The following TMTC1 variants were observed in gnomAD, a reference collection of about 807,000 sequenced individuals.
TMTC1 encodes transmembrane O-mannosyltransferase targeting cadherins 1.
A neutral mutation model predicts 104.8 loss-of-function variants in TMTC1; 73 were observed. That is an observed-to-expected ratio of 0.70 (90% CI 0.58 to 0.85). The LOEUF (loss-of-function observed/expected upper bound fraction) is 0.85, where lower values mean the gene tolerates loss of function less well. TMTC1 is among the 40% of genes least tolerant of loss of function. The pLI is 0.00. For synonymous variants in TMTC1, 434 were observed against 428.7 expected (o/e 1.01, Z -0.15); for missense variants, 1,035 against 1,096.1 (o/e 0.94, Z 0.79).
rs761819652 is a variant in TMTC1 at position 29,516,429 on chromosome 12, T to C, written c.2227A>G (p.Ile743Val). ...AGGCATCCGGTCTCCTCTGACACAA[T>C]GTGATTGGTCATCTTTTCAGCTTCT... ...TKEAEKMTNH[I>V]VSEETGCLEC... Residue 743 changes from isoleucine to valine, a missense_variant, in exon 15 of 18, where the codon ATT (isoleucine) becomes GTT (valine). Ile to Val is a conservative substitution (Grantham distance 29). Coordinates refer to ENST00000539277, the MANE Select transcript of TMTC1 (RefSeq NM_001193451.2). 2.5e-6 allele frequency: 4 copies of C among 1,613,946 alleles called. No individual in the cohort carries two copies. The highest frequency in any genetic ancestry group is 2.2e-5 in the East Asian group (1 of 44,878).
chr12:29,561,247 G>T (rs1249321526), intron 9 of TMTC1, among the ~76,000 whole-genome samples: 1 of 151,308 alleles, frequency 6.6e-6, no homozygotes, highest in East Asian at 1.9e-4. Context: ...GAAGGCAGCC[G>T]GCTCCTGTAA....
At chr12:29,633,927 A>G (rs1225927865) in intron 5 of TMTC1, among the ~76,000 whole-genome samples, 2 of 152,274 alleles carry the variant, frequency 1.3e-5, no homozygotes, top group Non-Finnish European at 2.9e-5. Context: ...AAGGCATTCT[A>G]GTTGTTCCCC....
At chr12:29,719,347 G>T (rs914261679) in intron 5 of TMTC1, among the ~76,000 whole-genome samples, 1 of 152,116 alleles carries the variant, frequency 6.6e-6, no homozygotes, top group African/African-American at 2.4e-5. Flanking sequence ...GGATGCCTGG[G>T]TTGCATTATA....
At chr12:29,563,660 C>T (rs754514444) in intron 9 of TMTC1, among the ~76,000 whole-genome samples, 1 of 152,162 alleles carries the variant, frequency 6.6e-6, no homozygotes, top group Admixed American at 6.5e-5. Flanking sequence ...ACTGTTTGTC[C>T]TTATGGAGTT....
chr12:29,748,641 G>T (rs1943014887), intron 5 of TMTC1, among the ~76,000 whole-genome samples: 1 of 152,210 alleles, frequency 6.6e-6, no homozygotes, highest in African/African-American at 2.4e-5. Context: ...TGATACCACA[G>T]TGGTTGGATA....
chr12:29,585,204 T>C (rs1322257180), intron 7 of TMTC1, among the ~76,000 whole-genome samples: 12 of 152,156 alleles, frequency 7.9e-5, no homozygotes, highest in African/African-American at 2.9e-4. Flanking sequence ...TGATGAGCAT[T>C]TTTTCATGTG....
chr12:29,731,318 G>C, intron 5 of TMTC1, among the ~76,000 whole-genome samples: 1 of 152,068 alleles, frequency 6.6e-6, no homozygotes, highest in East Asian at 1.9e-4. Context: ...CACCATGCCC[G>C]GCTAATTTCT....
intron 15 of TMTC1, among the ~76,000 whole-genome samples, chr12:29,515,430 G>A (rs991386384): frequency 1.3e-5 from 2 of 152,274 alleles, no homozygotes; most frequent in South Asian, 2.1e-4. Flanking sequence ...GCGTTCCTAC[G>A]GTGCTCCTGC....
intron 5 of TMTC1, among the ~76,000 whole-genome samples, chr12:29,686,746 A>G (rs918747725): frequency 6.6e-6 from 1 of 152,200 alleles, no homozygotes; most frequent in Non-Finnish European, 1.5e-5. Flanking sequence ...AACATTCTCT[A>G]TTACACCCAA....
At chr12:29,664,736 C>T (rs1362105522) in intron 5 of TMTC1, among the ~76,000 whole-genome samples, 1 of 152,202 alleles carries the variant, frequency 6.6e-6, no homozygotes, top group Non-Finnish European at 1.5e-5. Context: ...TAATACTTAA[C>T]TATGACATCA....
intron 5 of TMTC1, among the ~76,000 whole-genome samples, chr12:29,640,306 C>G (rs1938775064): frequency 6.6e-6 from 1 of 151,684 alleles, no homozygotes; most frequent in Admixed American, 6.6e-5. Context: ...AGACAGGAGG[C>G]AGGAACAGAT....
At chr12:29,728,422 T>C (rs900466875) in intron 5 of TMTC1, among the ~76,000 whole-genome samples, 1 of 152,066 alleles carries the variant, frequency 6.6e-6, no homozygotes, top group Non-Finnish European at 1.5e-5. Flanking sequence ...ACTGCCCACA[T>C]GTGGGAAGCC....
intron 5 of TMTC1, among the ~76,000 whole-genome samples, chr12:29,637,901 C>G (rs1277119784): frequency 2.6e-5 from 4 of 152,140 alleles, no homozygotes; most frequent in African/African-American, 9.7e-5. Context: ...TTTACTTTTG[C>G]CTACAAAATC....
At position 29,571,978 on chromosome 12, in the gene TMTC1, C is replaced by A. The variant is rs896841954; in HGVS notation, c.1532+127G>T. The A allele has an allele frequency of 3.2e-5, 22 of 683,990 alleles. No individual in the cohort carries two copies. The Admixed American group carries it at 4.0e-4, about 12-fold the overall frequency. The allele number at this position is 683,990 out of a possible 1,614,324, so 42.4% of individuals were successfully genotyped here. A position where few individuals can be genotyped will look rare whatever the true frequency, so the allele number is the denominator to read the frequency against. On this transcript the variant is annotated intron_variant, in intron 9 of 17. Transcript: ENST00000539277. ...GACTCAGAGTCCAAGAGCTACCCCACCTCCAAGGATCAGTTTACTGTCAAG... is the reference window on the plus strand; with the variant it reads ...GACTCAGAGTCCAAGAGCTACCCCAACTCCAAGGATCAGTTTACTGTCAAG...
chr12:29,739,565 T>C (rs183172401), intron 5 of TMTC1, among the ~76,000 whole-genome samples: 9 of 152,276 alleles, frequency 5.9e-5, no homozygotes, highest in African/African-American at 1.9e-4. Context: ...AGCTAATCCA[T>C]GCTGGGCCAA....
At chr12:29,663,202 C>T (rs920519706) in intron 5 of TMTC1, among the ~76,000 whole-genome samples, 1 of 152,198 alleles carries the variant, frequency 6.6e-6, no homozygotes, top group Non-Finnish European at 1.5e-5. Context: ...AGCTCTGCCT[C>T]TATTGTGACT....
At chr12:29,569,697 C>A (rs1184291945) in intron 9 of TMTC1, among the ~76,000 whole-genome samples, 1 of 152,160 alleles carries the variant, frequency 6.6e-6, no homozygotes, top group East Asian at 1.9e-4. Flanking sequence ...ACAACAACAA[C>A]AAAAATACCC....
chr12:29,553,156 T>G (rs1219136907), intron 10 of TMTC1, among the ~76,000 whole-genome samples: 1 of 152,170 alleles, frequency 6.6e-6, no homozygotes, highest in Non-Finnish European at 1.5e-5. Flanking sequence ...GGAAAGCTAT[T>G]TGGGCACGTG....
chr12:29,532,203 C>G (rs1360205820), intron 11 of TMTC1, among the ~76,000 whole-genome samples: 1 of 152,072 alleles, frequency 6.6e-6, no homozygotes. Flanking sequence ...GGTCCATATG[C>G]CATTTTCATT....
Sources: gnomAD v4.1 joint callset for allele counts (sites outside exome capture counted in the v4.1 genomes callset) on GRCh38, gnomAD v4.1.1 for gene constraint, MANE v1.5 for transcripts, NCBI Gene and HGNC (gene_info 2026-07-23, HGNC 2026-07-21) for gene names.